The following CEP162 variants were observed in gnomAD, a reference collection of about 807,000 sequenced individuals.
The protein encoded by CEP162 is centrosomal protein 162.
A neutral mutation model predicts 169.2 loss-of-function variants in CEP162; 141 were observed. That is an observed-to-expected ratio of 0.83 (90% confidence interval 0.73 to 0.96). The LOEUF (loss-of-function observed/expected upper bound fraction) is 0.96, where lower values mean the gene tolerates loss of function less well. Ranked by LOEUF, CEP162 falls within the 40% of genes least tolerant of loss-of-function variation. CEP162 has a pLI of 0.00. For missense variants in CEP162, 1,600 were observed against 1,587.2 expected (o/e 1.01, Z -0.14); for synonymous variants, 540 against 526.4 (o/e 1.03, Z -0.35).
intron 13 of CEP162, among the ~76,000 whole-genome samples, chr6:84,179,563 T>G (rs2099533876): frequency 6.6e-6 from 1 of 152,202 alleles, no homozygotes; most frequent in Non-Finnish European, 1.5e-5. Flanking sequence ...TTCTGGATAT[T>G]AGCCCTTTGT....
chr6:84,216,371 T>C (rs1198665251), intron 3 of CEP162, among the ~76,000 whole-genome samples: 2 of 152,132 alleles, frequency 1.3e-5, no homozygotes, highest in African/African-American at 4.8e-5. Flanking sequence ...AAAAACCTAC[T>C]AGGTTAGACA....
intron 18 of CEP162, 58 bp downstream of exon 18, chr6:84,169,270 T>A (rs2099529029): frequency 1.1e-6 from 1 of 916,896 alleles, no homozygotes; most frequent in Non-Finnish European, 1.6e-6. Context: ...TGTATAAAAA[T>A]GGGGATTTTT....
At chr6:84,221,619 C>G (rs1184405439) in intron 2 of CEP162, among the ~76,000 whole-genome samples, 1 of 152,074 alleles carries the variant, frequency 6.6e-6, no homozygotes, top group Non-Finnish European at 1.5e-5. Context: ...GAAAAATCAG[C>G]ATTTTTTTTC....
intron 26 of CEP162, 120 bp from the exon 27 acceptor site, chr6:84,125,396 C>T: frequency 1.3e-6 from 1 of 771,240 alleles, no homozygotes; most frequent in Non-Finnish European, 2.2e-6. Flanking sequence ...AATCATAATG[C>T]TCTGCGTGGA....
At chr6:84,153,675 A>C (rs917449666) in intron 22 of CEP162, among the ~76,000 whole-genome samples, 1 of 152,188 alleles carries the variant, frequency 6.6e-6, no homozygotes, top group Admixed American at 6.6e-5. Flanking sequence ...GTATTCAGCA[A>C]ATGAAATAAA....
At chr6:84,131,861 T>G (rs555655010) in intron 25 of CEP162, among the ~76,000 whole-genome samples, 1 of 152,316 alleles carries the variant, frequency 6.6e-6, no homozygotes, top group South Asian at 2.1e-4. Flanking sequence ...AATATTGTTA[T>G]GTGTGAATTT....
intron 16 of CEP162, among the ~76,000 whole-genome samples, chr6:84,173,373 C>A (rs144535187): frequency 1.3e-5 from 2 of 152,152 alleles, no homozygotes; most frequent in African/African-American, 2.4e-5. Flanking sequence ...GTAAAACTTA[C>A]GATGAAGTTA....
At position 84,215,767 on chromosome 6, in the gene CEP162, A is replaced by G. The variant is rs771466840; in HGVS notation, c.319+9T>C. On this transcript the variant is annotated intron_variant, in intron 4 of 26. Coordinates refer to ENST00000403245, the MANE Select transcript of CEP162 (RefSeq NM_014895.4). ...TAATTTACCAACTCATATCCCTTGC[A>G]TTTCTTACCATTTGTTTCTAAGCTA... The G allele has an allele frequency of 4.4e-6, 7 of 1,577,710 alleles. No homozygotes were observed. The South Asian group carries it at 8.1e-5, about 18-fold the overall frequency.
At chr6:84,222,477 T>G (rs1363303312) in intron 2 of CEP162, among the ~76,000 whole-genome samples, 1 of 152,200 alleles carries the variant, frequency 6.6e-6, no homozygotes, top group African/African-American at 2.4e-5. Context: ...TTACTTTTTC[T>G]GGAAAAGAAA....
chr6:84,208,099 C>G (rs1159297826), intron 6 of CEP162, among the ~76,000 whole-genome samples: 1 of 149,136 alleles, frequency 6.7e-6, no homozygotes, highest in East Asian at 1.9e-4. Context: ...TCTGACCCTT[C>G]CCTTAGGTAA....
chr6:84,135,798 G>A (rs1038956637), intron 25 of CEP162, among the ~76,000 whole-genome samples: 9 of 152,166 alleles, frequency 5.9e-5, no homozygotes, highest in Non-Finnish European at 1.2e-4. Flanking sequence ...GGGAGGCAGA[G>A]GTTGCTGTGA....
chr6:84,196,570 G>A (rs2099542232), intron 9 of CEP162, among the ~76,000 whole-genome samples: 1 of 152,006 alleles, frequency 6.6e-6, no homozygotes, highest in Non-Finnish European at 1.5e-5. Context: ...TTACTAACAA[G>A]TGGAATTTTC....
rs958599355 is a variant in CEP162 at position 84,160,878 on chromosome 6, A to C, written c.2715T>G (p.Ile905Met). ...KLKAESGNPS[I>M]RQKIRLKDKA... ...TATCTTTTAAGCGTATCTTCTGCCGAATAGATGGATTCCCAGATTCAGCTT... is the reference window on the plus strand; with the variant it reads ...TATCTTTTAAGCGTATCTTCTGCCGCATAGATGGATTCCCAGATTCAGCTT... Residue 905 changes from isoleucine (I) to methionine (M), a missense_variant, in exon 21 of 27, where the codon ATT (isoleucine) becomes ATG (methionine). Ile to Met is a conservative substitution (Grantham distance 10). Coordinates refer to ENST00000403245, the MANE Select transcript of CEP162 (RefSeq NM_014895.4). 2 of 1,612,946 alleles carry C rather than the reference A, an allele frequency of 1.2e-6. No individual in the cohort carries two copies. Among genetic ancestry groups the C allele is most frequent in the African/African-American group, 2.7e-5 (2 of 74,916 alleles).
chr6:84,170,088 A>C (rs757623385), intron 17 of CEP162, among the ~76,000 whole-genome samples: 14 of 152,212 alleles, frequency 9.2e-5, no homozygotes, highest in Non-Finnish European at 4.4e-5. Context: ...AAAAAGCATA[A>C]GTAGGCCAGG....
chr6:84,133,583 C>G (rs2099512541), intron 25 of CEP162, among the ~76,000 whole-genome samples: 1 of 152,184 alleles, frequency 6.6e-6, no homozygotes, highest in African/African-American at 2.4e-5. Context: ...CCTCCCCCAG[C>G]CTTGCTGCTG....
intron 22 of CEP162, among the ~76,000 whole-genome samples, chr6:84,154,708 C>T (rs1159612684): frequency 6.6e-6 from 1 of 152,234 alleles, no homozygotes; most frequent in African/African-American, 2.4e-5. Context: ...CAGACACGTG[C>T]TCAACAAATT....
chr6:84,133,900 A>C (rs985224968), intron 25 of CEP162, among the ~76,000 whole-genome samples: 4 of 152,118 alleles, frequency 2.6e-5, no homozygotes, highest in African/African-American at 9.7e-5. Flanking sequence ...TGAACCTGGT[A>C]CCTCAGTTGG....
chr6:84,162,480 A>C (rs943780882), intron 19 of CEP162, among the ~76,000 whole-genome samples: 1 of 152,152 alleles, frequency 6.6e-6, no homozygotes, highest in Non-Finnish European at 1.5e-5. Flanking sequence ...TGCAGAGGAA[A>C]GATCCTATCT....
chr6:84,193,808 T>C lies in CEP162; in HGVS notation c.1028-118A>G, dbSNP rs941568526. 1.6e-4 allele frequency: 84 copies of C among 530,258 alleles called. 1 individual carries two copies. The highest frequency in any genetic ancestry group is 3.0e-5 in the Non-Finnish European group (9 of 299,160). The allele number at this position is 530,258 out of a possible 1,614,324, so 32.8% of individuals were successfully genotyped here. A position where few individuals can be genotyped will look rare whatever the true frequency, so the allele number is the denominator to read the frequency against. On this transcript the variant is annotated intron_variant, in intron 10 of 26. Coordinates refer to ENST00000403245, the MANE Select transcript of CEP162 (RefSeq NM_014895.4). ...ACAGTTAATAAAACGGTACATGCAA[T>C]AAACCTAGTTTTCCGTCTTAAGTTT...
Sources: gnomAD v4.1 joint callset for allele counts (sites outside exome capture counted in the v4.1 genomes callset) on GRCh38, gnomAD v4.1.1 for gene constraint, MANE v1.5 for transcripts, NCBI Gene and HGNC (gene_info 2026-07-23, HGNC 2026-07-21) for gene names.